Variants in IDH3A observed in about 807,000 individuals in gnomAD.
IDH3A encodes the protein isocitrate dehydrogenase (NAD(+)) 3 catalytic subunit alpha, also known as isocitrate dehydrogenase [NAD] subunit alpha, mitochondrial.
IDH3A carries 23 observed loss-of-function variants against 43.3 expected under a neutral mutation model. That is an observed-to-expected ratio of 0.53 (90% CI 0.38 to 0.75). The LOEUF (loss-of-function observed/expected upper bound fraction) is 0.75. IDH3A is among the 30% of genes least tolerant of loss of function. The pLI, the probability that IDH3A is intolerant of heterozygous loss-of-function variation, is 0.00. For missense variants in IDH3A, 329 were observed against 474.4 expected (o/e 0.69, Z 2.85); for synonymous variants, 154 against 163.5 (o/e 0.94, Z 0.44).
At chr15:78,155,387 T>A in intron 2 of IDH3A, 112 bp downstream of exon 2, 1 of 672,834 alleles carries the variant, frequency 1.5e-6, no homozygotes, top group South Asian at 2.1e-5. Context: ...TTTGGGAAAA[T>A]TGGCCATATT....
rs1463059894 is a variant in IDH3A, at chr15:78,157,247, AAAG to A, written c.91-298_91-296del. On this transcript the variant is annotated intron_variant, in intron 2 of 10. Coordinates refer to ENST00000299518, the MANE Select transcript of IDH3A (RefSeq NM_005530.3). ...ATTGGTCTCTTTGCAGCTTGTCTGA[AAAG>A]AAATATCAATTAGGAAATCTACTTG... The A allele has an allele frequency of 1.8e-5, 16 of 905,264 alleles. 1 individual carries two copies. Among genetic ancestry groups the A allele is most frequent in the Admixed American group, 4.4e-5 (1 of 22,482 alleles). 56.1% of individuals were successfully genotyped at this position (905,264 alleles called of 1,614,324 possible). A position where few individuals can be genotyped will look rare whatever the true frequency, so the allele number is the denominator to read the frequency against.
rs1448344078 is a variant in IDH3A, at chr15:78,149,407, G to A, written c.4G>A (p.Ala2Thr). 1 of 1,551,954 alleles carries A rather than the reference G, an allele frequency of 6.4e-7. No homozygotes were observed. Among genetic ancestry groups the A allele is most frequent in the African/African-American group, 1.4e-5 (1 of 70,984 alleles). M[A>T]GPAWISKVSR... is the part of the protein sequence containing the mutation. ...TGCGGAGCCAGGAGGGGAAGCGATG[G>A]CTGGGCCCGCGTGGATCTCTAAGGT... The change falls in exon 1 of 11, where the codon GCT becomes ACT. Residue 2 changes from alanine to threonine, a missense_variant. Coordinates refer to ENST00000299518, the MANE Select transcript of IDH3A (RefSeq NM_005530.3).
rs1455017045 is a variant in IDH3A, at chr15:78,169,660, A to C, written c.*655A>C. 1 of 152,256 alleles carries C rather than the reference A, an allele frequency of 6.6e-6. No individual in the cohort carries two copies. Among genetic ancestry groups the C allele is most frequent in the Non-Finnish European group, 1.5e-5 (1 of 68,044 alleles). The allele number at this position is 152,256 out of a possible 1,614,324, so 9.4% of individuals were successfully genotyped here. On this transcript the variant is annotated 3_prime_UTR_variant, in exon 11 of 11. Coordinates refer to ENST00000299518, the MANE Select transcript of IDH3A (RefSeq NM_005530.3). ...TAATAAGACAAAGGTAATATATTGG[A>C]TACAAAGACACAAATGTATTGTGTG...
At chr15:78,157,054 T>G in intron 2 of IDH3A, 1 of 1,201,368 alleles carries the variant, frequency 8.3e-7, no homozygotes, top group Non-Finnish European at 1.1e-6. Context: ...TTTGGAAATG[T>G]GTCTGAAAAT....
chr15:78,164,905 A>C, intron 8 of IDH3A, 87 bp from the exon 9 acceptor site: 1 of 1,007,526 alleles, frequency 9.9e-7, no homozygotes, highest in Non-Finnish European at 1.6e-6. Context: ...CTTTTAGTGG[A>C]GAATGATAAT....
chr15:78,152,655 C>T (rs536057137), intron 1 of IDH3A, among the ~76,000 whole-genome samples: 18 of 152,292 alleles, frequency 1.2e-4, no homozygotes, highest in African/African-American at 3.1e-4. Context: ...CCACCGCATC[C>T]GGCCTCATGT....
chr15:78,149,573 C>A, intron 1 of IDH3A, 143 bp downstream of exon 1: 1 of 663,050 alleles, frequency 1.5e-6, no homozygotes, highest in Non-Finnish European at 2.3e-6. Flanking sequence ...GGAGCCGGTC[C>A]TGGTCGCCCG....
At chr15:78,153,291 C>T (rs1440791139) in intron 1 of IDH3A, among the ~76,000 whole-genome samples, 3 of 152,182 alleles carry the variant, frequency 2.0e-5, no homozygotes, top group Non-Finnish European at 4.4e-5. Context: ...GACAGGGTCT[C>T]ACTTTGTTGC....
intron 2 of IDH3A, chr15:78,157,089 A>G (rs62009337): frequency 0.06 from 69,613 of 1,162,302 alleles, 2,722 homozygotes; most frequent in South Asian, 0.18. Flanking sequence ...AAGAAGTTGC[A>G]TGAGAAGCTT....
At chr15:78,165,953 T>C (rs192031049) in intron 9 of IDH3A, among the ~76,000 whole-genome samples, 197 bp from the exon 10 acceptor site, 27 of 152,262 alleles carry the variant, frequency 1.8e-4, no homozygotes, top group African/African-American at 6.5e-4. Flanking sequence ...CCTATCAACG[T>C]GTTGCGATTA....
At chr15:78,163,419 A>T in intron 6 of IDH3A, 88 bp from the exon 7 acceptor site, 1 of 884,070 alleles carries the variant, frequency 1.1e-6, no homozygotes, top group Non-Finnish European at 1.8e-6. Context: ...TGGAACTTAA[A>T]TGTCTTGAAC....
rs1182037748 is a variant in IDH3A, at chr15:78,171,410, T to C, written c.*2405T>C. On this transcript the variant is annotated 3_prime_UTR_variant, in exon 11 of 11. Coordinates refer to ENST00000299518, the MANE Select transcript of IDH3A (RefSeq NM_005530.3). ...AGGAAGAGGCTCGGAACGCCTGCCCTCTATTCTATAGAAACTGCAGGCATA... is the reference window on the plus strand; with the variant it reads ...AGGAAGAGGCTCGGAACGCCTGCCCCCTATTCTATAGAAACTGCAGGCATA... 1 of 1,586,956 alleles carries C rather than the reference T, an allele frequency of 6.3e-7. No homozygotes were observed. Among genetic ancestry groups the C allele is most frequent in the Non-Finnish European group, 8.6e-7 (1 of 1,156,222 alleles).
chr15:78,166,777 G>A (rs542636826), intron 10 of IDH3A, among the ~76,000 whole-genome samples: 8 of 152,110 alleles, frequency 5.3e-5, no homozygotes, highest in African/African-American at 9.6e-5. Context: ...GATTACAGGC[G>A]TGTGCCACCA....
At chr15:78,153,626 T>A (rs1391935734) in intron 1 of IDH3A, among the ~76,000 whole-genome samples, 1 of 152,222 alleles carries the variant, frequency 6.6e-6, no homozygotes, top group East Asian at 1.9e-4. Context: ...CCAATAAATA[T>A]TTCAGCAAAG....
Position 78,162,279 on chromosome 15 carries a change from G to A in IDH3A, c.523G>A (p.Ala175Thr). 6.2e-7 allele frequency: 1 copy of A among 1,614,180 alleles called. No homozygotes were observed. Among genetic ancestry groups the A allele is most frequent in the Non-Finnish European group, 8.5e-7 (1 of 1,180,016 alleles). ...VQSIKLITEG[A>T]SKRIAEFAFE... is the part of the protein sequence containing the mutation. Reference sequence around the variant, plus strand: ...GAGTATCAAGCTCATCACCGAGGGGGCGAGCAAGCGCATTGCTGAGTTTGC... The same window carrying A: ...GAGTATCAAGCTCATCACCGAGGGGACGAGCAAGCGCATTGCTGAGTTTGC... The change falls in exon 6 of 11, where the codon GCG becomes ACG. Residue 175 changes from alanine to threonine, a missense_variant. This residue lies in a region of IDH3A where 212 missense variants were observed against 345.5 expected (regional missense o/e 0.61). Transcript: ENST00000299518.
intron 1 of IDH3A, among the ~76,000 whole-genome samples, chr15:78,154,265 TG>T (rs2074606102): frequency 6.6e-6 from 1 of 152,084 alleles, no homozygotes; most frequent in Non-Finnish European, 1.5e-5. Flanking sequence ...TTTTATATTT[TG>T]TATCTTTTCC....
At chr15:78,153,959 G>A (rs902622496) in intron 1 of IDH3A, among the ~76,000 whole-genome samples, 6 of 151,872 alleles carry the variant, frequency 4.0e-5, no homozygotes, top group East Asian at 1.9e-4. Flanking sequence ...GCAGTGAGCC[G>A]AGATTGCACC....
At position 78,171,308 on chromosome 15, in the gene IDH3A, C is replaced by T. The variant is rs2074818325; in HGVS notation, c.*2303C>T. ...GCGTAAGACCTGGTAAATGTAGAGCCAGTGCTGTGCCCTGACCTGGAGATC... is the reference window on the plus strand; with the variant it reads ...GCGTAAGACCTGGTAAATGTAGAGCTAGTGCTGTGCCCTGACCTGGAGATC... On this transcript the variant is annotated 3_prime_UTR_variant, in exon 11 of 11. Coordinates refer to ENST00000299518, the MANE Select transcript of IDH3A (RefSeq NM_005530.3). 2 of 628,380 alleles carry T rather than the reference C, an allele frequency of 3.2e-6. No individual in the cohort carries two copies. The highest frequency in any genetic ancestry group is 5.5e-6 in the Non-Finnish European group (2 of 361,328). The allele number at this position is 628,380 out of a possible 1,614,324, so 38.9% of individuals were successfully genotyped here. A position where few individuals can be genotyped will look rare whatever the true frequency, so the allele number is the denominator to read the frequency against.
intron 2 of IDH3A, chr15:78,155,725 G>A (rs2074618159): frequency 6.3e-6 from 1 of 158,576 alleles, no homozygotes; most frequent in Admixed American, 6.2e-5. Context: ...AAGCCTTGTA[G>A]GCTTATACTT....
Sources: allele counts gnomAD v4.1 joint callset (sites outside exome capture counted in the v4.1 genomes callset), GRCh38; gene constraint gnomAD v4.1.1; regional missense constraint gnomAD v4.1.1; transcripts MANE v1.5; gene names NCBI Gene and HGNC (gene_info 2026-07-23, HGNC 2026-07-21).